The following LEF1 variants were observed in gnomAD, a reference collection of about 807,000 sequenced individuals.
The protein encoded by LEF1 is lymphoid enhancer-binding factor 1.
A neutral mutation model predicts 51.2 loss-of-function variants in LEF1; 14 were observed. The ratio of observed to expected loss-of-function variants is 0.27; its 90% CI spans 0.18 to 0.43. The LOEUF is 0.43. Among genes scored for constraint, LEF1 ranks in the 20% least tolerant of loss-of-function variants. The pLI is 1.00. For missense variants in LEF1, 386 were observed against 512.0 expected, an observed-to-expected ratio of 0.75 and a Z score of 2.37; for synonymous variants, 185 against 183.2, an observed-to-expected ratio of 1.01 and a Z score of -0.08.
At chr4:108,056,711 C>T (rs1248556886) in intron 11 of LEF1, among the ~76,000 whole-genome samples, 4 of 152,060 alleles carry the variant, frequency 2.6e-5, no homozygotes, top group African/African-American at 7.2e-5. Flanking sequence ...ACAGGTAGGC[C>T]GTCACCTCAG....
chr4:108,083,385 A>G lies in LEF1; in HGVS notation c.609T>C (p.Gly203=). ...CAAGAGGTGGGGTGATCTGTCCAAC[A>G]CCACCCGGAGACAAGGGATAAAAAG... ...IPTFYPLSPG[G]VGQITPPLGW... Residue 203 remains glycine, a synonymous_variant, in exon 5 of 12, where the codon GGT becomes GGC. Transcript: ENST00000265165. 1 of 1,613,832 alleles carries G rather than the reference A, an allele frequency of 6.2e-7. No homozygotes were observed. Among genetic ancestry groups the G allele is most frequent in the Non-Finnish European group, 8.5e-7 (1 of 1,179,772 alleles).
chr4:108,079,380 T>A (rs6819640), intron 7 of LEF1, 112 bp downstream of exon 7: 1 of 1,221,818 alleles, frequency 8.2e-7, no homozygotes, highest in Non-Finnish European at 1.2e-6. Flanking sequence ...CAGAGGTGCA[T>A]TGAGTTTCAC....
intron 1 of LEF1, chr4:108,166,156 C>T (rs1745375596): frequency 9.3e-6 from 9 of 968,540 alleles, no homozygotes; most frequent in Non-Finnish European, 1.2e-5. Flanking sequence ...ATCTTTTACG[C>T]GGGGTTAGGT....
chr4:108,048,344 G>A lies in LEF1; in HGVS notation c.*414C>T, dbSNP rs11550885. ...TGTGCTGGTTGCTGGCTCCAGTTGC[G>A]CATGACAGGCAAATGCAGCCAAGTT... On this transcript the variant is annotated 3_prime_UTR_variant, in exon 12 of 12. Transcript: ENST00000265165. 1,309 of 187,366 alleles carry A rather than the reference G, an allele frequency of 7.0e-3. 10 individuals are homozygous for A. The highest frequency in any genetic ancestry group is 0.013 in the Admixed American group (217 of 16,432). The allele number at this position is 187,366 out of a possible 1,614,324, so 11.6% of individuals were successfully genotyped here. A position where few individuals can be genotyped will look rare whatever the true frequency, so the allele number is the denominator to read the frequency against.
intron 3 of LEF1, among the ~76,000 whole-genome samples, chr4:108,092,504 T>C (rs1740089410): frequency 6.6e-6 from 1 of 152,190 alleles, no homozygotes; most frequent in African/African-American, 2.4e-5. Flanking sequence ...GCAGGCTTCC[T>C]CTGATTTCAC....
At chr4:108,131,452 C>G (rs930505972) in intron 3 of LEF1, among the ~76,000 whole-genome samples, 1 of 151,068 alleles carries the variant, frequency 6.6e-6, no homozygotes, top group Non-Finnish European at 1.5e-5. Context: ...AATGCCTACA[C>G]AGCTATGCAA....
intron 3 of LEF1, among the ~76,000 whole-genome samples, chr4:108,117,909 T>C (rs772000537): frequency 6.6e-6 from 1 of 152,206 alleles, no homozygotes; most frequent in Non-Finnish European, 1.5e-5. Context: ...ACTTGTGAAA[T>C]ATAACTTAAT....
chr4:108,167,721 TC>T lies in LEF1; in HGVS notation c.46del (p.Glu16AsnfsTer8), dbSNP rs1284086512. ...GATCATCTCGTCCGTGGCGCAGAGT[TC>T]CGGGTCCCCCCCGCCGCCGCCACCT... is the stretch of plus-strand genomic sequence containing the variant. ...GGGGGGGGDPELCATDEMIPF... is the reference protein window; with the variant it reads ...GGGGGGGGDPXLCATDEMIPF... On this transcript the variant is annotated frameshift_variant, in exon 1 of 12. Coordinates refer to ENST00000265165, the MANE Select transcript of LEF1 (RefSeq NM_016269.5). LOFTEE classifies it high-confidence loss of function. The surrounding 1 kb of genome is among the most constrained non-coding windows in gnomAD (Gnocchi z 5.7). 2 of 1,613,730 alleles carry T rather than the reference TC, an allele frequency of 1.2e-6. No individual in the cohort carries two copies. Among genetic ancestry groups the T allele is most frequent in the African/African-American group, 1.3e-5 (1 of 74,920 alleles).
chr4:108,130,522 C>T (rs187125684), intron 3 of LEF1, among the ~76,000 whole-genome samples: 1 of 151,032 alleles, frequency 6.6e-6, no homozygotes, highest in Admixed American at 6.6e-5. Flanking sequence ...GAGTTCAAGA[C>T]CAGCCTAGTC....
chr4:108,100,234 C>T (rs1481110379), intron 3 of LEF1, among the ~76,000 whole-genome samples: 1 of 152,120 alleles, frequency 6.6e-6, no homozygotes, highest in Non-Finnish European at 1.5e-5. Flanking sequence ...AACTTTGCTT[C>T]ATCTTAAAGC....
chr4:108,157,179 T>TATATATACACAC (rs780217431), intron 3 of LEF1, among the ~76,000 whole-genome samples: 2 of 116,740 alleles, frequency 1.7e-5, no homozygotes, highest in Admixed American at 1.0e-4. Flanking sequence ...TATATATATA[T>TATATATACACAC]ACACACACAC....
intron 9 of LEF1, among the ~76,000 whole-genome samples, chr4:108,066,860 T>G (rs905543366): frequency 6.6e-6 from 1 of 152,150 alleles, no homozygotes; most frequent in Non-Finnish European, 1.5e-5. Context: ...CCAAGAAAAT[T>G]TGTGCACTAT....
chr4:108,075,857 G>GT (rs1331610363), intron 8 of LEF1, among the ~76,000 whole-genome samples: 1 of 152,196 alleles, frequency 6.6e-6, no homozygotes, highest in Non-Finnish European at 1.5e-5. Context: ...AACCTGGCAG[G>GT]TGTACACTTG....
intron 4 of LEF1, among the ~76,000 whole-genome samples, chr4:108,088,416 C>A (rs1739787754): frequency 6.6e-6 from 1 of 152,218 alleles, no homozygotes; most frequent in Non-Finnish European, 1.5e-5. Context: ...GAGAGCAAAT[C>A]CATCCTTGAG....
In LEF1 at chr4:108,168,810, C is replaced by T. The variant is rs1450022861; in HGVS notation, c.-1043G>A. ...GCCCGGCCGAGGGGAGGGGACGCCC[C>T]GAGCTTGGCCGCGTGCGAGGCTCCG... On this transcript the variant is annotated 5_prime_UTR_variant, in exon 1 of 12. Coordinates refer to ENST00000265165, the MANE Select transcript of LEF1 (RefSeq NM_016269.5). This position sits in a 1 kb window ranked among gnomAD's most constrained non-coding sequence, Gnocchi z 4.6. 1 of 152,226 alleles carries T rather than the reference C, an allele frequency of 6.6e-6. No homozygotes were observed. Among genetic ancestry groups the T allele is most frequent in the African/African-American group, 2.4e-5 (1 of 41,458 alleles). The allele number at this position is 152,226 out of a possible 1,614,324, so 9.4% of individuals were successfully genotyped here. A position where few individuals can be genotyped will look rare whatever the true frequency, so the allele number is the denominator to read the frequency against.
At chr4:108,107,459 T>G (rs552655224) in intron 3 of LEF1, among the ~76,000 whole-genome samples, 1 of 152,202 alleles carries the variant, frequency 6.6e-6, no homozygotes, top group South Asian at 2.1e-4. Flanking sequence ...AAAATTTTTA[T>G]CTAGAATATT....
chr4:108,078,472 T>C (rs1739067124), intron 7 of LEF1, 90 bp from the exon 8 acceptor site: 19 of 1,532,160 alleles, frequency 1.2e-5, no homozygotes, highest in Non-Finnish European at 1.7e-5. Context: ...CCTGCTCACA[T>C]GGCTACACTC....
chr4:108,076,021 C>T (rs1164753504), intron 8 of LEF1, among the ~76,000 whole-genome samples: 1 of 39,872 alleles, frequency 2.5e-5, no homozygotes, highest in East Asian at 3.0e-3. Context: ...CTTGCTGTAG[C>T]TCCCTAAAGA....
At chr4:108,166,717 C>G (rs912969038) in intron 1 of LEF1, 9 of 991,428 alleles carry the variant, frequency 9.1e-6, no homozygotes, top group Admixed American at 6.0e-5. Context: ...CCCTGCAGGA[C>G]TAGTGCCCGG....
Sources: allele counts gnomAD v4.1 joint callset (sites outside exome capture counted in the v4.1 genomes callset), GRCh38; gene constraint gnomAD v4.1.1; non-coding constraint Gnocchi (gnomAD v3.1); transcripts MANE v1.5; gene names NCBI Gene and HGNC (gene_info 2026-07-23, HGNC 2026-07-21).